Variants in GRM8 observed in about 807,000 individuals in gnomAD.
GRM8 encodes the protein glutamate metabotropic receptor 8, also known as metabotropic glutamate receptor 8.
In GRM8, 47 loss-of-function variants were observed where a neutral mutation model predicts 87.2. The observed-to-expected ratio is 0.54, with a 90% confidence interval of 0.43 to 0.69. The LOEUF (loss-of-function observed/expected upper bound fraction) is 0.69, where lower values mean the gene tolerates loss of function less well. Ranked by LOEUF, GRM8 falls within the 30% of genes least tolerant of loss-of-function variation. GRM8 has a pLI of 0.00. For synonymous variants in GRM8, 396 were observed against 404.5 expected (o/e 0.98, Z 0.25); for missense variants, 1,019 against 1,139.2 (o/e 0.89, Z 1.52).
chr7:126,786,432 T>G (rs1820633911), intron 6 of GRM8, among the ~76,000 whole-genome samples: 1 of 152,158 alleles, frequency 6.6e-6, no homozygotes, highest in South Asian at 2.1e-4. Flanking sequence ...CTATCTAATT[T>G]TAAGACAATT....
chr7:126,911,827 G>A lies in GRM8; in HGVS notation c.728-7144C>T, dbSNP rs535422712. On this transcript the variant is annotated intron_variant, in intron 3 of 10. Transcript: ENST00000339582. ...ATACCTCCACATCAATCAGTGCGATGATTCATTTTATGTATCAGTTTGACT... is the reference window on the plus strand; with the variant it reads ...ATACCTCCACATCAATCAGTGCGATAATTCATTTTATGTATCAGTTTGACT... Among the ~76,000 whole-genome samples, 190 of 152,290 alleles carry A rather than the reference G, an allele frequency of 1.2e-3. 1 individual carries two copies. The highest frequency in any genetic ancestry group is 4.5e-3 in the African/African-American group (187 of 41,576).
intron 8 of GRM8, among the ~76,000 whole-genome samples, chr7:126,561,402 G>A (rs1562957058): frequency 6.6e-6 from 1 of 151,832 alleles, no homozygotes; most frequent in East Asian, 1.9e-4. Context: ...ACCCAGGGCG[G>A]AGGTTGCAGT....
chr7:126,831,146 G>A (rs1401040267), intron 6 of GRM8, among the ~76,000 whole-genome samples: 2 of 152,212 alleles, frequency 1.3e-5, no homozygotes, highest in Non-Finnish European at 2.9e-5. Flanking sequence ...GCTGCTTGGG[G>A]GTCAGGGGTC....
At chr7:126,903,476 A>G (rs1802303508) in intron 5 of GRM8, among the ~76,000 whole-genome samples, 1 of 151,330 alleles carries the variant, frequency 6.6e-6, no homozygotes, top group Non-Finnish European at 1.5e-5. Context: ...CGCAAACTCA[A>G]ACTCAAAGTG....
At chr7:126,720,390 C>A (rs1022865795) in intron 7 of GRM8, among the ~76,000 whole-genome samples, 1 of 152,052 alleles carries the variant, frequency 6.6e-6, no homozygotes, top group Non-Finnish European at 1.5e-5. Context: ...GATCCTCCTG[C>A]CTCAGCTGGG....
intron 8 of GRM8, among the ~76,000 whole-genome samples, chr7:126,588,619 A>C (rs535808386): frequency 6.6e-6 from 1 of 152,332 alleles, no homozygotes; most frequent in South Asian, 2.1e-4. Flanking sequence ...GGAAAATGGC[A>C]GATGGGAGGC....
At chr7:126,726,230 A>G (rs1812954391) in intron 7 of GRM8, among the ~76,000 whole-genome samples, 1 of 151,878 alleles carries the variant, frequency 6.6e-6, no homozygotes, top group African/African-American at 2.4e-5. Context: ...TTAAAAAAAA[A>G]ACGTAGAGGA....
intron 9 of GRM8, among the ~76,000 whole-genome samples, chr7:126,476,700 C>T (rs1805948100): frequency 6.6e-6 from 1 of 151,934 alleles, no homozygotes; most frequent in African/African-American, 2.4e-5. Flanking sequence ...TGACACATTA[C>T]CTCACAACTG....
chr7:126,675,996 G>A (rs1222742338), intron 7 of GRM8, among the ~76,000 whole-genome samples: 1 of 152,176 alleles, frequency 6.6e-6, no homozygotes, highest in Non-Finnish European at 1.5e-5. Context: ...AGACCCTAAA[G>A]ACTCTACCAA....
At chr7:127,222,554 AT>A (rs140160608) in intron 2 of GRM8, among the ~76,000 whole-genome samples, 12,039 of 152,288 alleles carry the variant, frequency 0.079, 513 homozygotes, top group African/African-American at 0.096. Flanking sequence ...TGGAGTAATT[AT>A]TTAACTATGA....
Position 126,489,861 on chromosome 7 carries a change from T to C in GRM8, c.2430+43091A>G, listed in dbSNP as rs191831814. ...TCTTCACCAACTTAGGTGGACAGCA[T>C]CCAATCCAGTGAGGGCCCAAATAGA... On this transcript the variant is annotated intron_variant, in intron 9 of 10. Transcript: ENST00000339582. Among the ~76,000 whole-genome samples the C allele has an allele frequency of 3.3e-3, 495 of 152,104 alleles. 4 individuals are homozygous for C. Among genetic ancestry groups the C allele is most frequent in the Middle Eastern group, 0.027 (8 of 294 alleles).
At chr7:126,948,745 TG>T (rs1043701634) in intron 3 of GRM8, among the ~76,000 whole-genome samples, 8 of 152,122 alleles carry the variant, frequency 5.3e-5, no homozygotes, top group African/African-American at 1.9e-4. Flanking sequence ...CGCCATCCCC[TG>T]GGGAAGCGCT....
intron 8 of GRM8, among the ~76,000 whole-genome samples, chr7:126,606,566 A>C (rs1008641059): frequency 6.6e-6 from 1 of 152,184 alleles, no homozygotes; most frequent in Non-Finnish European, 1.5e-5. Flanking sequence ...GCAGGTGACT[A>C]ATCCAACTCC....
rs75008927 is a variant in GRM8, at chr7:126,798,691, C to T, written c.1157-28626G>A. ...AATGGGACAGTTTCCTTCAACAAGA[C>T]GTTTTACTAAACTAAACTTCTCATA... is the stretch of plus-strand genomic sequence containing the variant. On this transcript the variant is annotated intron_variant, in intron 6 of 10. Transcript: ENST00000339582. Among the ~76,000 whole-genome samples, 51 of 152,252 alleles carry T rather than the reference C, an allele frequency of 3.3e-4. No individual in the cohort carries two copies. The East Asian group carries it at 9.1e-3, about 27-fold the overall frequency.
At chr7:126,470,900 G>T (rs1805110595) in intron 9 of GRM8, among the ~76,000 whole-genome samples, 2 of 152,068 alleles carry the variant, frequency 1.3e-5, no homozygotes. Context: ...GTGTGAGATG[G>T]TATCTCATTG....
At chr7:126,524,862 T>C (rs1167474912) in intron 9 of GRM8, among the ~76,000 whole-genome samples, 1 of 152,206 alleles carries the variant, frequency 6.6e-6, no homozygotes, top group Non-Finnish European at 1.5e-5. Context: ...GCCACTTGCA[T>C]GTGTGTGTAT....
intron 8 of GRM8, among the ~76,000 whole-genome samples, chr7:126,579,302 A>G (rs1241831231): frequency 1.3e-5 from 2 of 152,226 alleles, no homozygotes; most frequent in African/African-American, 2.4e-5. Context: ...TTCTTTATAC[A>G]AAATGACTAT....
intron 6 of GRM8, among the ~76,000 whole-genome samples, chr7:126,822,724 T>G (rs1246537386): frequency 6.6e-6 from 1 of 152,110 alleles, no homozygotes; most frequent in Admixed American, 6.6e-5. Context: ...CTCCTATCTC[T>G]TAGTGCTTTC....
At chr7:126,622,931 T>C (rs1196997907) in intron 7 of GRM8, among the ~76,000 whole-genome samples, 2 of 152,184 alleles carry the variant, frequency 1.3e-5, no homozygotes, top group Admixed American at 6.6e-5. Flanking sequence ...ATGCAGACTT[T>C]TCCAATTATC....
Sources: gnomAD v4.1 joint callset for allele counts (sites outside exome capture counted in the v4.1 genomes callset) on GRCh38, gnomAD v4.1.1 for gene constraint, MANE v1.5 for transcripts, NCBI Gene and HGNC (gene_info 2026-07-23, HGNC 2026-07-21) for gene names.